ZCCHC7: variants seen among roughly 807,000 people sequenced by gnomAD.
The protein encoded by ZCCHC7 is zinc finger CCHC domain-containing protein 7.
In ZCCHC7, 35 loss-of-function variants were observed where a neutral mutation model predicts 52.0. That is an observed-to-expected ratio of 0.67 (90% CI 0.51 to 0.89). The LOEUF is 0.89. ZCCHC7 is among the 40% of genes least tolerant of loss of function. The probability of loss-of-function intolerance (pLI) is 0.00; values close to 1 mark genes in which losing one functional copy is unlikely to be tolerated. For synonymous variants in ZCCHC7, 217 were observed against 221.5 expected, an observed-to-expected ratio of 0.98 and a Z score of 0.18; for missense variants, 574 against 649.1, an observed-to-expected ratio of 0.88 and a Z score of 1.26.
chr9:37,260,535 C>T (rs1411300790), intron 2 of ZCCHC7, among the ~76,000 whole-genome samples: 1 of 152,176 alleles, frequency 6.6e-6, no homozygotes, highest in Admixed American at 6.5e-5. Context: ...TGAGAGCAAG[C>T]CCATGTGTGA....
intron 7 of ZCCHC7, among the ~76,000 whole-genome samples, chr9:37,352,845 C>T (rs565350364): frequency 4.6e-5 from 7 of 151,924 alleles, no homozygotes; most frequent in East Asian, 1.9e-4. Flanking sequence ...CTTTATGTTA[C>T]CATGTAAGTT....
chr9:37,315,572 C>G (rs10814519), intron 5 of ZCCHC7, among the ~76,000 whole-genome samples: 2 of 151,538 alleles, frequency 1.3e-5, no homozygotes, highest in African/African-American at 4.8e-5. Context: ...ATGGATATTA[C>G]CAGAAAAATA....
intron 6 of ZCCHC7, among the ~76,000 whole-genome samples, chr9:37,338,203 A>G (rs1353535059): frequency 6.6e-6 from 1 of 152,142 alleles, no homozygotes; most frequent in Non-Finnish European, 1.5e-5. Context: ...TGTTTACAAA[A>G]AGAAAGGTTA....
Position 37,305,779 on chromosome 9 carries a change from G to T in ZCCHC7, c.951+65G>T, listed in dbSNP as rs374993742. 564 of 1,564,758 alleles carry T rather than the reference G, an allele frequency of 3.6e-4. 3 individuals are homozygous for T. In the Middle Eastern group the frequency reaches 5.1e-3, roughly 14 times the overall value. On this transcript the variant is annotated intron_variant, in intron 5 of 8. Transcript: ENST00000336755. ...GGGAGTGTGCAAGTTTGTAATTAAT[G>T]TGCAAGTTTATAACTATCAGTCAGC...
intron 5 of ZCCHC7, among the ~76,000 whole-genome samples, chr9:37,321,546 C>T (rs1830055109): frequency 6.6e-6 from 1 of 152,042 alleles, no homozygotes. Flanking sequence ...AAAAGATCGC[C>T]TGGGGCCAGG....
At chr9:37,261,363 C>T (rs1335665083) in intron 2 of ZCCHC7, among the ~76,000 whole-genome samples, 2 of 152,234 alleles carry the variant, frequency 1.3e-5, no homozygotes, top group Non-Finnish European at 2.9e-5. Context: ...AGATTGCACT[C>T]AGCCACTTCT....
chr9:37,191,982 G>A (rs529582526), intron 2 of ZCCHC7, among the ~76,000 whole-genome samples: 19 of 152,322 alleles, frequency 1.2e-4, no homozygotes, highest in African/African-American at 4.6e-4. Context: ...AAATGCAAAA[G>A]TGTTATAAAG....
intron 1 of ZCCHC7, among the ~76,000 whole-genome samples, chr9:37,123,210 TG>T (rs1366447156): frequency 1.6e-5 from 2 of 127,074 alleles, no homozygotes; most frequent in African/African-American, 5.2e-5. Flanking sequence ...TGTGTGTGTG[TG>T]TGTGTGTGTG....
chr9:37,319,339 G>A (rs1829961604), intron 5 of ZCCHC7, among the ~76,000 whole-genome samples: 1 of 152,088 alleles, frequency 6.6e-6, no homozygotes, highest in Admixed American at 6.6e-5. Flanking sequence ...TTATTTTCTT[G>A]ACGGTTCTCA....
At chr9:37,220,586 G>A (rs1564187054) in intron 2 of ZCCHC7, among the ~76,000 whole-genome samples, 1 of 152,148 alleles carries the variant, frequency 6.6e-6, no homozygotes. Context: ...CCAAATGTGA[G>A]TGATTGATAG....
At chr9:37,221,883 C>T (rs1224488481) in intron 2 of ZCCHC7, among the ~76,000 whole-genome samples, 3 of 151,548 alleles carry the variant, frequency 2.0e-5, no homozygotes, top group African/African-American at 7.3e-5. Context: ...TTCATTTACT[C>T]AAATATGTTG....
intron 6 of ZCCHC7, among the ~76,000 whole-genome samples, chr9:37,338,344 A>G (rs1324919564): frequency 6.6e-6 from 1 of 152,178 alleles, no homozygotes; most frequent in African/African-American, 2.4e-5. Flanking sequence ...AGTTATACCA[A>G]TAATTTATAT....
At chr9:37,329,263 C>T (rs1442902878) in intron 6 of ZCCHC7, among the ~76,000 whole-genome samples, 1 of 151,466 alleles carries the variant, frequency 6.6e-6, no homozygotes, top group Non-Finnish European at 1.5e-5. Flanking sequence ...TTATTTACAC[C>T]TGTGTTCGTT....
At chr9:37,170,751 C>T (rs1370757087) in intron 2 of ZCCHC7, among the ~76,000 whole-genome samples, 2 of 152,170 alleles carry the variant, frequency 1.3e-5, no homozygotes, top group African/African-American at 2.4e-5. Flanking sequence ...ACAATTTCTG[C>T]TCTAATCCAC....
chr9:37,352,635 G>A (rs1170201695), intron 7 of ZCCHC7, among the ~76,000 whole-genome samples: 2 of 145,270 alleles, frequency 1.4e-5, no homozygotes, highest in Non-Finnish European at 3.0e-5. Flanking sequence ...TCCTACTTCA[G>A]CCTCCCAAGT....
intron 2 of ZCCHC7, among the ~76,000 whole-genome samples, chr9:37,229,358 C>T (rs1825287196): frequency 6.6e-6 from 1 of 152,032 alleles, no homozygotes; most frequent in South Asian, 2.1e-4. Context: ...GGGATACATT[C>T]CAAGAAATGT....
intron 6 of ZCCHC7, among the ~76,000 whole-genome samples, chr9:37,348,342 AGTTCGTTCTTTC>A (rs1564271107): frequency 2.0e-5 from 2 of 99,624 alleles, no homozygotes; most frequent in Admixed American, 9.7e-5. Context: ...AAGTGATACC[AGTTCGTTCTTTC>A]TTTCTTTCTT....
Position 37,354,875 on chromosome 9 carries a change from T to C in ZCCHC7, c.1198+51T>C. The C allele has an allele frequency of 7.8e-7, 1 of 1,279,066 alleles. No individual in the cohort carries two copies. 79.2% of individuals were successfully genotyped at this position (1,279,066 alleles called of 1,614,324 possible). Reference sequence around the variant, plus strand: ...TCACATTTGCAGTAGTTTCTAAATTTCTTTGTTTGTACTGTCTTTGCCTGC... The same window carrying C: ...TCACATTTGCAGTAGTTTCTAAATTCCTTTGTTTGTACTGTCTTTGCCTGC... On this transcript the variant is annotated intron_variant, in intron 8 of 8. Coordinates refer to ENST00000336755, the MANE Select transcript of ZCCHC7 (RefSeq NM_032226.3). The surrounding 1 kb of genome is among the most constrained non-coding windows in gnomAD (Gnocchi z 4.0).
chr9:37,348,834 T>C (rs1309110171), intron 6 of ZCCHC7, among the ~76,000 whole-genome samples: 1 of 152,236 alleles, frequency 6.6e-6, no homozygotes, highest in Non-Finnish European at 1.5e-5. Flanking sequence ...GCATGTATGC[T>C]CTTTTTTAGT....
Sources: gnomAD v4.1 joint callset for allele counts (sites outside exome capture counted in the v4.1 genomes callset) on GRCh38, gnomAD v4.1.1 for gene constraint, Gnocchi (gnomAD v3.1) non-coding constraint, MANE v1.5 for transcripts, NCBI Gene and HGNC (gene_info 2026-07-23, HGNC 2026-07-21) for gene names.